Variants in VAV2 observed in about 807,000 individuals in gnomAD.
VAV2 encodes the protein vav guanine nucleotide exchange factor 2, also known as guanine nucleotide exchange factor VAV2.
A neutral mutation model predicts 132.5 loss-of-function variants in VAV2; 67 were observed. The ratio of observed to expected loss-of-function variants is 0.51; its 90% CI spans 0.42 to 0.62. The LOEUF (loss-of-function observed/expected upper bound fraction) is 0.62, where lower values mean the gene tolerates loss of function less well. Ranked by LOEUF, VAV2 falls within the 20% of genes least tolerant of loss-of-function variation. VAV2 has a pLI of 0.00. For synonymous variants in VAV2, 492 were observed against 443.5 expected, an observed-to-expected ratio of 1.11 and a Z score of -1.37; for missense variants, 938 against 1,153.6, an observed-to-expected ratio of 0.81 and a Z score of 2.71.
At chr9:133,946,070 G>C (rs1017907920) in intron 1 of VAV2, among the ~76,000 whole-genome samples, 11 of 152,258 alleles carry the variant, frequency 7.2e-5, no homozygotes, top group Admixed American at 2.0e-4. Flanking sequence ...GTCACTGGGA[G>C]AGCTGGCAGG....
At position 133,819,900 on chromosome 9, in the gene VAV2, A is replaced by C. The variant is rs375841067; in HGVS notation, c.450-7684T>G. ...CGGTAAAGAAGTGGTTTTTCAAAAA[A>C]TAAAATTAAATTAGGAAAATAAAAT... On this transcript the variant is annotated intron_variant, in intron 4 of 29. Coordinates refer to ENST00000371850, the MANE Select transcript of VAV2 (RefSeq NM_001134398.2). Among the ~76,000 whole-genome samples the C allele has an allele frequency of 2.0e-3, 306 of 152,364 alleles. 2 individuals carry two copies. Among genetic ancestry groups the C allele is most frequent in the African/African-American group, 6.9e-3 (286 of 41,598 alleles).
chr9:133,793,926 A>G (rs894131471), intron 12 of VAV2, among the ~76,000 whole-genome samples: 15 of 152,030 alleles, frequency 9.9e-5, no homozygotes, highest in Non-Finnish European at 2.1e-4. Flanking sequence ...GGATCAAAAG[A>G]CTTCTAAAAT....
chr9:133,770,502 C>T lies in VAV2; in HGVS notation c.2224-1G>A. ...GGCACTGGTAGTACTCCACCAACTC[C>T]TGCAGGGCGTACACACTCACTGACA... On this transcript the variant is annotated splice_acceptor_variant, in intron 26 of 29. Coordinates refer to ENST00000371850, the MANE Select transcript of VAV2 (RefSeq NM_001134398.2). LOFTEE classifies it high-confidence loss of function. 1.9e-6 allele frequency: 3 copies of T among 1,613,882 alleles called. No homozygotes were observed. The highest frequency in any genetic ancestry group is 2.5e-6 in the Non-Finnish European group (3 of 1,179,850).
At position 133,763,412 on chromosome 9, in the gene VAV2, C is replaced by T. The variant is rs59679106; in HGVS notation, c.*650G>A. 9,048 of 152,462 alleles carry T rather than the reference C, an allele frequency of 0.059. 746 individuals are homozygous for T. Among genetic ancestry groups the T allele is most frequent in the African/African-American group, 0.19 (7,784 of 41,440 alleles). 9.4% of individuals were successfully genotyped at this position (152,462 alleles called of 1,614,324 possible). On this transcript the variant is annotated 3_prime_UTR_variant, in exon 30 of 30. Coordinates refer to ENST00000371850, the MANE Select transcript of VAV2 (RefSeq NM_001134398.2). The surrounding 1 kb of genome is among the most constrained non-coding windows in gnomAD (Gnocchi z 6.8). ...AGAGAGGGGCCTGCCGTGTGGGGTC[C>T]GGGTGTGCCCCTGGCAAGGAGGGGA...
At position 133,788,775 on chromosome 9, in the gene VAV2, C is replaced by T. The variant is rs900993079; in HGVS notation, c.1275-289G>A. 2.6e-5 allele frequency among the ~76,000 whole-genome samples: 4 copies of T among 152,126 alleles called. No individual in the cohort carries two copies. Among genetic ancestry groups the T allele is most frequent in the Non-Finnish European group, 5.9e-5 (4 of 68,020 alleles). Reference sequence around the variant, plus strand: ...ACGCTGGCCTCCCATGCAGCACTGACCCCCGACGGCTACTCCCAGTTGATC... The same window carrying T: ...ACGCTGGCCTCCCATGCAGCACTGATCCCCGACGGCTACTCCCAGTTGATC... On this transcript the variant is annotated intron_variant, in intron 14 of 29. Transcript: ENST00000371850. This position sits in a 1 kb window ranked among gnomAD's most constrained non-coding sequence, Gnocchi z 5.3.
chr9:133,911,906 G>A (rs1839898190), intron 2 of VAV2, among the ~76,000 whole-genome samples: 1 of 152,246 alleles, frequency 6.6e-6, no homozygotes, highest in African/African-American at 2.4e-5. Context: ...CCCAGGCCAA[G>A]AAAGTAAGTC....
chr9:133,845,042 G>C (rs1836875504), intron 3 of VAV2, among the ~76,000 whole-genome samples: 1 of 152,232 alleles, frequency 6.6e-6, no homozygotes, highest in Non-Finnish European at 1.5e-5. Flanking sequence ...TCCTTCCCTG[G>C]GCCAGTGGAG....
intron 3 of VAV2, among the ~76,000 whole-genome samples, chr9:133,837,263 C>T (rs58808813): frequency 0.047 from 7,224 of 152,286 alleles, 550 homozygotes; most frequent in African/African-American, 0.17. Context: ...TCACTCAGGG[C>T]ACTTTCCACT....
In VAV2 at chr9:133,768,444, G is replaced by T. The variant is rs765663291; in HGVS notation, c.2587C>A (p.Arg863=). The T allele has an allele frequency of 1.2e-6, 2 of 1,612,634 alleles. No individual in the cohort carries two copies. Among genetic ancestry groups the T allele is most frequent in the East Asian group, 4.5e-5 (2 of 44,872 alleles). Residue 863 remains arginine, a splice_region_variant and synonymous_variant, in exon 29 of 30, where the codon CGG becomes AGG. Coordinates refer to ENST00000371850, the MANE Select transcript of VAV2 (RefSeq NM_001134398.2). This position sits in a 1 kb window ranked among gnomAD's most constrained non-coding sequence, Gnocchi z 5.3. ...ACCCTCAGGGTGGGGCCACTCACCC[G>T]TCCGTTGGTCTCGCCCTTCCACCAG... ...QGWWKGETNG[R]IGWFPSTYVE...
chr9:133,775,064 G>A lies in VAV2; in HGVS notation c.2019-13C>T, dbSNP rs1180235647. ...GTTACCTGCAAACCTACAGGAGGGGGCCGGGAGGAAACGAGAGCCGCAGTG... is the reference window on the plus strand; with the variant it reads ...GTTACCTGCAAACCTACAGGAGGGGACCGGGAGGAAACGAGAGCCGCAGTG... On this transcript the variant is annotated splice_polypyrimidine_tract_variant and intron_variant, in intron 24 of 29. Coordinates refer to ENST00000371850, the MANE Select transcript of VAV2 (RefSeq NM_001134398.2). 6.3e-6 allele frequency: 10 copies of A among 1,593,550 alleles called. No individual in the cohort carries two copies. Among genetic ancestry groups the A allele is most frequent in the Non-Finnish European group, 8.5e-6 (10 of 1,170,240 alleles).
chr9:133,871,626 C>G (rs1838059751), intron 2 of VAV2, among the ~76,000 whole-genome samples: 1 of 152,110 alleles, frequency 6.6e-6, no homozygotes, highest in Non-Finnish European at 1.5e-5. Context: ...TCATACCTAT[C>G]TCCCTGAGTC....
At chr9:133,843,401 C>A (rs1332546105) in intron 3 of VAV2, among the ~76,000 whole-genome samples, 1 of 152,156 alleles carries the variant, frequency 6.6e-6, no homozygotes, top group Non-Finnish European at 1.5e-5. Context: ...GAGATGGGGT[C>A]TTGCTATACT....
At chr9:133,983,124 G>A (rs1053607865) in intron 1 of VAV2, among the ~76,000 whole-genome samples, 1 of 152,192 alleles carries the variant, frequency 6.6e-6, no homozygotes, top group Non-Finnish European at 1.5e-5. Context: ...AGGGGCTCGG[G>A]TCTGGGCATC....
In VAV2 at chr9:133,779,941, T is replaced by A. The variant is rs1178618274; in HGVS notation, c.1741-2A>T. ...ACCTGGTCCCGCTCCGGAGGCGTCC[T>A]GTGAGGACAAGGACAGAACACAGAG... On this transcript the variant is annotated splice_acceptor_variant, in intron 20 of 29. Coordinates refer to ENST00000371850, the MANE Select transcript of VAV2 (RefSeq NM_001134398.2). LOFTEE classifies it high-confidence loss of function. 1 of 1,612,522 alleles carries A rather than the reference T, an allele frequency of 6.2e-7. No individual in the cohort carries two copies. Among genetic ancestry groups the A allele is most frequent in the South Asian group, 1.1e-5 (1 of 90,918 alleles).
At chr9:133,942,304 C>T (rs955093127) in intron 1 of VAV2, among the ~76,000 whole-genome samples, 1 of 152,238 alleles carries the variant, frequency 6.6e-6, no homozygotes, top group Non-Finnish European at 1.5e-5. Flanking sequence ...TTGCCAGAAG[C>T]GGGAGAGGGC....
chr9:133,860,824 G>GC (rs2131866101), intron 3 of VAV2, among the ~76,000 whole-genome samples: 1 of 152,282 alleles, frequency 6.6e-6, no homozygotes, highest in Non-Finnish European at 1.5e-5. Flanking sequence ...ACGCCCAAGT[G>GC]CCCCATCCAA....
Position 133,778,847 on chromosome 9 carries a change from G to A in VAV2, c.1805C>T (p.Ala602Val), listed in dbSNP as rs758647095. ...VAMQNYHGNP[A>V]PPGKPVLTFQ... ...GGTCAGCACAGGCTTCCCGGGAGGG[G>A]CTGGGTTGCCATGGTAATTCTGCAT... Residue 602 changes from alanine (A) to valine (V), a missense_variant, in exon 22 of 30, where the codon GCC becomes GTC. Transcript: ENST00000371850. 2 of 1,612,770 alleles carry A rather than the reference G, an allele frequency of 1.2e-6. No individual in the cohort carries two copies. The highest frequency in any genetic ancestry group is 3.3e-5 in the Admixed American group (2 of 60,016).
chr9:133,849,720 G>GGCT (rs1361177640), intron 3 of VAV2, among the ~76,000 whole-genome samples: 1 of 152,156 alleles, frequency 6.6e-6, no homozygotes, highest in Admixed American at 6.5e-5. Context: ...AGCTCAGGTG[G>GGCT]GCTCCATGTG....
intron 2 of VAV2, among the ~76,000 whole-genome samples, chr9:133,911,428 T>C (rs1219300474): frequency 1.3e-5 from 2 of 152,288 alleles, no homozygotes; most frequent in East Asian, 3.9e-4. Flanking sequence ...TGTATTAAAT[T>C]TACCATACCT....
Sources: allele counts gnomAD v4.1 joint callset (sites outside exome capture counted in the v4.1 genomes callset), GRCh38; gene constraint gnomAD v4.1.1; non-coding constraint Gnocchi (gnomAD v3.1); transcripts MANE v1.5; gene names NCBI Gene and HGNC (gene_info 2026-07-23, HGNC 2026-07-21).